CYP2W1: variants seen among roughly 807,000 people sequenced by gnomAD.
CYP2W1 encodes the protein cytochrome P450 family 2 subfamily W member 1, also known as cytochrome P450 2W1.
A neutral mutation model predicts 44.9 loss-of-function variants in CYP2W1; 51 were observed. The observed-to-expected ratio is 1.14, with a 90% CI of 0.91 to 1.43. CYP2W1 has a LOEUF of 1.43. Ranked by LOEUF, CYP2W1 falls within the 40% of genes most tolerant of loss-of-function variation. The pLI is 0.00. For missense variants in CYP2W1, 746 were observed against 700.0 expected (o/e 1.07, Z -0.74); for synonymous variants, 383 against 338.3 (o/e 1.13, Z -1.45).
At position 986,631 on chromosome 7, in the gene CYP2W1, A is replaced by G. The variant is rs1848370255; in HGVS notation, c.653A>G (p.Asn218Ser). Residue 218 changes from asparagine to serine, a missense_variant, in exon 5 of 9, where the codon AAC becomes AGC. Transcript: ENST00000308919. Reference protein sequence around the residue: ...LLGSPGLQLFNVYPWLGALLQ... With the variant: ...LLGSPGLQLFSVYPWLGALLQ... ...CTCCTGCCTCCTGCCCAGCTGTTCA[A>G]CGTCTACCCATGGCTCGGGGCCCTG... is the stretch of plus-strand genomic sequence containing the variant. The G allele has an allele frequency of 6.2e-7, 1 of 1,612,492 alleles. No homozygotes were observed. Among genetic ancestry groups the G allele is most frequent in the Admixed American group, 1.7e-5 (1 of 59,998 alleles).
intron 7 of CYP2W1, 56 bp downstream of exon 7, chr7:987,587 G>T (rs981085038): frequency 7.0e-7 from 1 of 1,430,602 alleles, no homozygotes; most frequent in Non-Finnish European, 9.2e-7. Context: ...CCTCGGCGGG[G>T]GTCCAGGGGC....
At chr7:987,614 GTC>G in intron 7 of CYP2W1, 83 bp downstream of exon 7, 1 of 1,311,806 alleles carries the variant, frequency 7.6e-7, no homozygotes, top group South Asian at 1.5e-5. Context: ...ACGGCTGAGC[GTC>G]TGGTGGGTGC....
chr7:983,330 T>A lies in CYP2W1; in HGVS notation c.119T>A (p.Leu40His). The stretch of plus-strand genomic sequence containing the variant: ...CCCCCGGGGCCTCGCCCGCTGCCGC[T>A]CGTCGGGAACCTGCACTTGCTGCGT... ...RWPPGPRPLP[L>H]VGNLHLLRLS... Residue 40 changes from leucine to histidine, a missense_variant, in exon 1 of 9, where the codon CTC becomes CAC. By Grantham distance (99) the Leu-to-His change is moderately conservative (BLOSUM62 -3). Transcript: ENST00000308919. 1 of 1,539,270 alleles carries A rather than the reference T, an allele frequency of 6.5e-7. No individual in the cohort carries two copies. The highest frequency in any genetic ancestry group is 1.2e-5 in the South Asian group (1 of 83,530).
intron 7 of CYP2W1, 104 bp downstream of exon 7, chr7:987,635 C>A: frequency 1.8e-6 from 2 of 1,137,716 alleles, no homozygotes; most frequent in Non-Finnish European, 2.4e-6. Context: ...GCCTGATGGC[C>A]CAGCGCTCCC....
chr7:988,732 C>T lies in CYP2W1; in HGVS notation c.1383C>T (p.Gly461=), dbSNP rs767808000. The T allele has an allele frequency of 4.4e-6, 7 of 1,599,490 alleles. No individual in the cohort carries two copies. In the East Asian group the frequency reaches 6.7e-5, roughly 15 times the overall value. ...LQRYRLLPPP[G]VSPASLDTTP... is the part of the protein sequence containing the mutation. ...GGTACCGCCTGCTGCCCCCGCCTGG[C>T]GTCAGTCCGGCCTCCCTGGACACCA... Residue 461 remains glycine (G), a synonymous_variant, in exon 9 of 9, where the codon GGC becomes GGT. Coordinates refer to ENST00000308919, the MANE Select transcript of CYP2W1 (RefSeq NM_017781.3).
At position 986,796 on chromosome 7, in the gene CYP2W1, A is replaced by C; in HGVS notation, c.818A>C (p.Gln273Pro). 1.3e-6 allele frequency: 2 copies of C among 1,555,748 alleles called. No individual in the cohort carries two copies. Among genetic ancestry groups the C allele is most frequent in the South Asian group, 1.2e-5 (1 of 82,610 alleles). ...GTGGACGCCCTGATCCAGCAGGGAC[A>C]GGTGTGTCGGGACCCAAGACCTCCT... ...SYVDALIQQG[Q>P]GDDPEGLFAE... The change falls in exon 5 of 9, where the codon CAG becomes CCG. Residue 273 changes from glutamine (Q) to proline (P), a missense_variant and splice_region_variant. Gln to Pro is a moderately conservative substitution (Grantham distance 76, BLOSUM62 -1). Transcript: ENST00000308919.
At position 988,740 on chromosome 7, in the gene CYP2W1, C is replaced by G. The variant is rs149976257; in HGVS notation, c.1391C>G (p.Pro464Arg). 6.9e-6 allele frequency: 11 copies of G among 1,599,318 alleles called. No homozygotes were observed. Among genetic ancestry groups the G allele is most frequent in the Non-Finnish European group, 6.8e-6 (8 of 1,179,498 alleles). Residue 464 changes from proline to arginine, a missense_variant, in exon 9 of 9, where the codon CCG becomes CGG. Pro to Arg is a moderately radical substitution (Grantham distance 103). Transcript: ENST00000308919. ...CTGCTGCCCCCGCCTGGCGTCAGTC[C>G]GGCCTCCCTGGACACCACGCCCGCC... ...YRLLPPPGVS[P>R]ASLDTTPARA...
intron 1 of CYP2W1, 122 bp from the exon 2 acceptor site, chr7:984,290 C>A: frequency 7.5e-7 from 1 of 1,328,574 alleles, no homozygotes; most frequent in Non-Finnish European, 1.0e-6. Flanking sequence ...AGGCGTGCCC[C>A]CTCCACCTGC....
At position 988,868 on chromosome 7, in the gene CYP2W1, C is replaced by T; in HGVS notation, c.*46C>T. 1 of 1,230,446 alleles carries T rather than the reference C, an allele frequency of 8.1e-7. No individual in the cohort carries two copies. Among genetic ancestry groups the T allele is most frequent in the Non-Finnish European group, 1.1e-6 (1 of 892,434 alleles). The allele number at this position is 1,230,446 out of a possible 1,614,324, so 76.2% of individuals were successfully genotyped here. A position where few individuals can be genotyped will look rare whatever the true frequency, so the allele number is the denominator to read the frequency against. On this transcript the variant is annotated 3_prime_UTR_variant, in exon 9 of 9. Coordinates refer to ENST00000308919, the MANE Select transcript of CYP2W1 (RefSeq NM_017781.3). ...TCCTCCTGACCACTCCCCTCCCAGC[C>T]CTGGGTCCTCCCACCCTCTCTCCTC...
intron 1 of CYP2W1, among the ~76,000 whole-genome samples, chr7:983,959 C>T (rs1031913610): frequency 8.5e-5 from 13 of 152,146 alleles, no homozygotes; most frequent in African/African-American, 2.9e-4. Context: ...CAGTCAGGCC[C>T]GGGCCCTGCC....
chr7:987,145 G>C lies in CYP2W1; in HGVS notation c.858G>C (p.Ala286=), dbSNP rs548719233. The C allele has an allele frequency of 1.9e-6, 3 of 1,573,614 alleles. No individual in the cohort carries two copies. Among genetic ancestry groups the C allele is most frequent in the Non-Finnish European group, 8.6e-7 (1 of 1,159,118 alleles). ...DPEGLFAEAN[A]VACTLDMVMA... is the part of the protein sequence containing the mutation. ...AGGGCCTGTTTGCTGAGGCCAACGC[G>C]GTGGCCTGCACCCTGGACATGGTCA... The change falls in exon 6 of 9, where the codon GCG becomes GCC. Residue 286 remains alanine (A), a synonymous_variant. Transcript: ENST00000308919.
rs1434033334 is a variant in CYP2W1, at chr7:985,257, C to T, written c.579C>T (p.Pro193=). 5.2e-6 allele frequency: 8 copies of T among 1,551,812 alleles called. No individual in the cohort carries two copies. The highest frequency in any genetic ancestry group is 4.9e-5 in the East Asian group (2 of 41,112). The change falls in exon 4 of 9, where the codon CCC becomes CCT. Residue 193 remains proline, a synonymous_variant. Coordinates refer to ENST00000308919, the MANE Select transcript of CYP2W1 (RefSeq NM_017781.3). ...LFGRRFDYRD[P]VFVSLLGLID... ...GCCGCCGATTTGACTACCGGGACCC[C>T]GTGTTTGTGTCCCTGCTGGGTCTCA... is the stretch of plus-strand genomic sequence containing the variant.
At position 984,930 on chromosome 7, in the gene CYP2W1, C is replaced by G. The variant is rs201249207; in HGVS notation, c.338-20C>G. On this transcript the variant is annotated intron_variant, in intron 2 of 8. Coordinates refer to ENST00000308919, the MANE Select transcript of CYP2W1 (RefSeq NM_017781.3). Reference sequence around the variant, plus strand: ...CTGGGGTGGGAACCTGGGCTCACCACGCACTGTATCTGCCTACAGGCATCT... The same window carrying G: ...CTGGGGTGGGAACCTGGGCTCACCAGGCACTGTATCTGCCTACAGGCATCT... The G allele has an allele frequency of 3.2e-6, 5 of 1,575,304 alleles. No homozygotes were observed. Among genetic ancestry groups the G allele is most frequent in the Non-Finnish European group, 4.3e-6 (5 of 1,165,850 alleles).
In CYP2W1 at chr7:985,159, C is replaced by A; in HGVS notation, c.488-7C>A. On this transcript the variant is annotated splice_region_variant and splice_polypyrimidine_tract_variant and intron_variant, in intron 3 of 8. Coordinates refer to ENST00000308919, the MANE Select transcript of CYP2W1 (RefSeq NM_017781.3). ...CTGGACGTGCCTGAGGCCCGTCTCC[C>A]TCGCAGGCCGGCCCTTCCCGCTGGC... The A allele has an allele frequency of 6.3e-6, 10 of 1,589,236 alleles. No individual in the cohort carries two copies. The highest frequency in any genetic ancestry group is 8.6e-6 in the Non-Finnish European group (10 of 1,168,524).
rs2128125578 is a variant in CYP2W1, at chr7:988,883, CCT to C, written c.*67_*68del. ...CCCTCCCAGCCCTGGGTCCTCCCAC[CCT>C]CTCTCCTCCCACCCCACAGCTCGGA... On this transcript the variant is annotated 3_prime_UTR_variant, in exon 9 of 9. Transcript: ENST00000308919. The C allele has an allele frequency of 9.6e-7, 1 of 1,045,416 alleles. No homozygotes were observed. The highest frequency in any genetic ancestry group is 1.5e-5 in the South Asian group (1 of 64,814). 64.8% of individuals were successfully genotyped at this position (1,045,416 alleles called of 1,614,324 possible). A position where few individuals can be genotyped will look rare whatever the true frequency, so the allele number is the denominator to read the frequency against.
intron 1 of CYP2W1, among the ~76,000 whole-genome samples, chr7:983,923 G>A (rs1215710872): frequency 6.6e-6 from 1 of 152,222 alleles, no homozygotes; most frequent in Non-Finnish European, 1.5e-5. Flanking sequence ...CGCTCAGGCA[G>A]GCAGGGTCAG....
chr7:987,184 G>A lies in CYP2W1; in HGVS notation c.897G>A (p.Glu299=). The A allele has an allele frequency of 6.4e-7, 1 of 1,558,578 alleles. No individual in the cohort carries two copies. Among genetic ancestry groups the A allele is most frequent in the Non-Finnish European group, 8.7e-7 (1 of 1,152,128 alleles). The part of the protein sequence containing the change: ...CTLDMVMAGT[E]TTSATLQWAA... ...TGGACATGGTCATGGCCGGGACGGA[G>A]ACGACCTCGGCCACGCTGCAGTGGG... Residue 299 remains glutamate (E), a synonymous_variant, in exon 6 of 9, where the codon GAG becomes GAA. Coordinates refer to ENST00000308919, the MANE Select transcript of CYP2W1 (RefSeq NM_017781.3).
Position 984,484 on chromosome 7 carries a change from G to A in CYP2W1, c.247G>A (p.Glu83Lys), listed in dbSNP as rs887927083. The part of the protein sequence containing the change: ...RQKTVVLTGF[E>K]AVKEALAGPG... ...GAAGACGGTGGTGCTGACGGGGTTC[G>A]AGGCGGTCAAAGAGGCGCTGGCGGG... is the stretch of plus-strand genomic sequence containing the variant. Residue 83 changes from glutamate (E) to lysine (K), a missense_variant, in exon 2 of 9, where the codon GAG becomes AAG. Physicochemically the swap from Glu to Lys is moderately conservative, Grantham distance 56. Coordinates refer to ENST00000308919, the MANE Select transcript of CYP2W1 (RefSeq NM_017781.3). 1.2e-5 allele frequency: 19 copies of A among 1,552,052 alleles called. No individual in the cohort carries two copies. Among genetic ancestry groups the A allele is most frequent in the African/African-American group, 8.2e-5 (6 of 73,290 alleles).
intron 4 of CYP2W1, among the ~76,000 whole-genome samples, chr7:985,641 G>A (rs530512084): frequency 1.3e-5 from 2 of 152,210 alleles, no homozygotes; most frequent in African/African-American, 4.8e-5. Context: ...CTCCATGTCT[G>A]CCCCCCAAGC....
Sources: gnomAD v4.1 joint callset for allele counts (sites outside exome capture counted in the v4.1 genomes callset) on GRCh38, gnomAD v4.1.1 for gene constraint, MANE v1.5 for transcripts, NCBI Gene and HGNC (gene_info 2026-07-23, HGNC 2026-07-21) for gene names.